The following CELF2 variants were observed in gnomAD, a reference collection of about 807,000 sequenced individuals.
The protein encoded by CELF2 is CUGBP Elav-like family member 2.
In CELF2, 8 loss-of-function variants were observed where a neutral mutation model predicts 62.6. The observed-to-expected ratio is 0.13, with a 90% confidence interval of 0.07 to 0.23. The LOEUF (loss-of-function observed/expected upper bound fraction) is 0.23, where lower values mean the gene tolerates loss of function less well. Ranked by LOEUF, CELF2 falls within the 10% of genes least tolerant of loss-of-function variation. The pLI is 1.00. For missense variants in CELF2, 333 were observed against 671.0 expected, an observed-to-expected ratio of 0.50 and a Z score of 5.56; for synonymous variants, 258 against 250.0, an observed-to-expected ratio of 1.03 and a Z score of -0.30.
At chr10:10,571,145 G>A in the CELF2 span, among the ~76,000 whole-genome samples, 1 of 152,090 alleles carries the variant, frequency 6.6e-6, no homozygotes, top group South Asian at 2.1e-4. Context: ...GCCAGCATCA[G>A]AGGACTGAAA....
At chr10:10,876,327 A>T (rs1197343214) in intron 1 of CELF2, among the ~76,000 whole-genome samples, 1 of 152,182 alleles carries the variant, frequency 6.6e-6, no homozygotes, top group African/African-American at 2.4e-5. Flanking sequence ...TGCTGTGGTG[A>T]GGTAGCATTC....
rs2095311242 is a variant in CELF2 at position 11,319,631 on chromosome 10, C to T, written c.1097-1558C>T. On this transcript the variant is annotated intron_variant, in intron 10 of 12. Coordinates refer to ENST00000633077, the MANE Select transcript of CELF2 (RefSeq NM_001326342.2). The surrounding 1 kb of genome is among the most constrained non-coding windows in gnomAD (Gnocchi z 4.4). ...AGCAGGGCCTCAGCTGGCAACACCT[C>T]TGAACTGAGCCTGCACTCAGGAGGC... 6.6e-6 allele frequency among the ~76,000 whole-genome samples: 1 copy of T among 152,130 alleles called. No individual in the cohort carries two copies. Among genetic ancestry groups the T allele is most frequent in the Non-Finnish European group, 1.5e-5 (1 of 68,030 alleles).
chr10:10,589,706 ACGTG>A, the CELF2 span, among the ~76,000 whole-genome samples: 1 of 152,170 alleles, frequency 6.6e-6, no homozygotes, highest in South Asian at 2.1e-4. Flanking sequence ...ACAAGAAAAG[ACGTG>A]AGTCACTGTC....
At chr10:10,805,379 A>T (rs1219353861) in intron 1 of CELF2, among the ~76,000 whole-genome samples, 3 of 152,220 alleles carry the variant, frequency 2.0e-5, no homozygotes, top group Non-Finnish European at 2.9e-5. Context: ...CTCAGAGAGG[A>T]AAATTTTGCA....
the CELF2 span, among the ~76,000 whole-genome samples, chr10:10,541,258 A>AG: frequency 6.6e-6 from 1 of 151,302 alleles, no homozygotes; most frequent in Non-Finnish European, 1.5e-5. Flanking sequence ...AAAAAAAAAA[A>AG]AAGACCCACA....
intron 1 of CELF2, among the ~76,000 whole-genome samples, chr10:10,852,153 T>A (rs1339927008): frequency 4.6e-5 from 7 of 152,216 alleles, no homozygotes; most frequent in African/African-American, 7.2e-5. Context: ...ATATAGTATA[T>A]CCATAGAGCT....
chr10:10,839,787 C>T (rs1004825930), intron 1 of CELF2, among the ~76,000 whole-genome samples: 49 of 152,164 alleles, frequency 3.2e-4, no homozygotes, highest in Non-Finnish European at 5.7e-4. Context: ...GTTTGAACGA[C>T]GAATGCAGTG....
chr10:11,197,036 A>AAGGAAGGAAGGAAG, intron 2 of CELF2, among the ~76,000 whole-genome samples: 1 of 24,502 alleles, frequency 4.1e-5, no homozygotes, highest in African/African-American at 3.3e-4. Context: ...AAAGAAAGAA[A>AAGGAAGGAAGGAAG]GAAAGAAAGA....
intron 2 of CELF2, among the ~76,000 whole-genome samples, chr10:11,203,429 A>G (rs1229978500): frequency 6.6e-6 from 1 of 152,214 alleles, no homozygotes; most frequent in Non-Finnish European, 1.5e-5. Context: ...ATCCATAATC[A>G]GGTACACTTA....
At chr10:10,559,182 G>A in the CELF2 span, among the ~76,000 whole-genome samples, 11 of 152,200 alleles carry the variant, frequency 7.2e-5, no homozygotes, top group Non-Finnish European at 2.9e-5. Context: ...ACTGTAGTAA[G>A]TGTCATAAAA....
At chr10:11,239,462 G>T (rs2072937436) in intron 3 of CELF2, among the ~76,000 whole-genome samples, 1 of 152,160 alleles carries the variant, frequency 6.6e-6, no homozygotes, top group South Asian at 2.1e-4. Context: ...GCTTTCAGAT[G>T]GGACCTTGTC....
intron 2 of CELF2, among the ~76,000 whole-genome samples, chr10:10,969,844 G>A (rs1660093753): frequency 3.9e-5 from 6 of 152,166 alleles, no homozygotes; most frequent in Admixed American, 3.9e-4. Flanking sequence ...TAAGGGTCCT[G>A]CTTCATCTAT....
the CELF2 span, among the ~76,000 whole-genome samples, chr10:10,556,195 A>T: frequency 6.6e-6 from 1 of 151,178 alleles, no homozygotes; most frequent in Non-Finnish European, 1.5e-5. Flanking sequence ...CCCCCACCAC[A>T]TCACAGTCCC....
the CELF2 span, among the ~76,000 whole-genome samples, chr10:10,473,854 CTATATCTGAGCTATTGACTATTAAA>C: frequency 6.6e-6 from 1 of 152,030 alleles, no homozygotes; most frequent in Non-Finnish European, 1.5e-5. Context: ...GTCCTCTAAA[CTATATCTGAGCTATTGACTATTAAA>C]TATCTGATAT....
chr10:10,814,921 C>T (rs1428572343), intron 1 of CELF2, among the ~76,000 whole-genome samples: 1 of 152,182 alleles, frequency 6.6e-6, no homozygotes, highest in African/African-American at 2.4e-5. Flanking sequence ...GAAGACCTGA[C>T]TTGGATTGAG....
rs545336429 is a variant in CELF2, at chr10:10,885,551, G to GT, written c.54-34406dup. Among the ~76,000 whole-genome samples the GT allele has an allele frequency of 8.8e-4, 133 of 151,992 alleles. 1 individual carries two copies. Among genetic ancestry groups the GT allele is most frequent in the African/African-American group, 3.1e-3 (127 of 41,482 alleles). On this transcript the variant is annotated intron_variant, in intron 1 of 13. Transcript: ENST00000636488. Reference sequence around the variant, plus strand: ...ATAAAGGAAGCAAGCTCACAGAACAGTTTTTTTAAAAATTACACAAAAATG... The same window carrying GT: ...ATAAAGGAAGCAAGCTCACAGAACAGTTTTTTTTAAAAATTACACAAAAATG...
intron 1 of CELF2, among the ~76,000 whole-genome samples, chr10:10,829,956 A>G (rs1428342847): frequency 6.6e-6 from 1 of 152,230 alleles, no homozygotes; most frequent in Non-Finnish European, 1.5e-5. Flanking sequence ...TCCAGGCAGT[A>G]GCAACCTGTA....
intron 1 of CELF2, among the ~76,000 whole-genome samples, chr10:11,149,739 A>T (rs598316): frequency 6.6e-6 from 1 of 152,096 alleles, no homozygotes; most frequent in South Asian, 2.1e-4. Context: ...TTGGGTTGCT[A>T]ACGAAACCTC....
chr10:10,927,784 C>T (rs1190893023), intron 2 of CELF2, among the ~76,000 whole-genome samples: 1 of 152,164 alleles, frequency 6.6e-6, no homozygotes, highest in African/African-American at 2.4e-5. Flanking sequence ...CCACCATAAA[C>T]TCCCACCTGA....
Sources: allele counts gnomAD v4.1 joint callset (sites outside exome capture counted in the v4.1 genomes callset), GRCh38; gene constraint gnomAD v4.1.1; non-coding constraint Gnocchi (gnomAD v3.1); transcripts MANE v1.5; gene names NCBI Gene and HGNC (gene_info 2026-07-23, HGNC 2026-07-21).